Variants in ZC3H18 observed in about 807,000 individuals in gnomAD.
ZC3H18 encodes the protein zinc finger CCCH-type containing 18.
A neutral mutation model predicts 106.1 loss-of-function variants in ZC3H18; 8 were observed. That is an observed-to-expected ratio of 0.08 (90% CI 0.04 to 0.14). The LOEUF is 0.14. ZC3H18 is among the 10% of genes least tolerant of loss of function. The probability of loss-of-function intolerance (pLI) is 1.00; values close to 1 mark genes in which losing one functional copy is unlikely to be tolerated. For synonymous variants in ZC3H18, 635 were observed against 522.1 expected, an observed-to-expected ratio of 1.22 and a Z score of -2.95; for missense variants, 1,318 against 1,278.4, an observed-to-expected ratio of 1.03 and a Z score of -0.47.
At chr16:88,615,552 G>T (rs369643250) in intron 8 of ZC3H18, among the ~76,000 whole-genome samples, 44 of 152,262 alleles carry the variant, frequency 2.9e-4, no homozygotes, top group African/African-American at 1.0e-3. Context: ...ATTGTTACAG[G>T]GTTGCTAAAA....
chr16:88,624,043 C>G lies in ZC3H18; in HGVS notation c.1879C>G (p.Pro627Ala), dbSNP rs769761919. Reference protein sequence around the residue: ...PSIRTKGEPAPPPGKAGEKSV... With the variant: ...PSIRTKGEPAAPPGKAGEKSV... ...CATCAGAACCAAGGGAGAGCCGGCC[C>G]CGCCGCCCGGGAAAGCAGGGTGAGT... The change falls in exon 11 of 18, where the codon CCG (proline) becomes GCG (alanine). Residue 627 changes from proline (P) to alanine (A), a missense_variant. Pro to Ala is a conservative substitution (Grantham distance 27). Coordinates refer to ENST00000301011, the MANE Select transcript of ZC3H18 (RefSeq NM_144604.4). 3.1e-6 allele frequency: 5 copies of G among 1,614,062 alleles called. No homozygotes were observed. The South Asian group carries it at 5.5e-5, about 18-fold the overall frequency.
At chr16:88,581,063 A>T (rs1915099289) in intron 2 of ZC3H18, among the ~76,000 whole-genome samples, 1 of 152,102 alleles carries the variant, frequency 6.6e-6, no homozygotes, top group Non-Finnish European at 1.5e-5. Context: ...ACCCCTTGGC[A>T]CCCTGGTCTA....
Position 88,625,195 on chromosome 16 carries a change from A to G in ZC3H18, c.2043-7A>G, listed in dbSNP as rs1457403480. On this transcript the variant is annotated splice_polypyrimidine_tract_variant and splice_region_variant and intron_variant, in intron 12 of 17. Transcript: ENST00000301011. The stretch of plus-strand genomic sequence containing the variant: ...CCCCCTGAGCCCCGCTGTTGCTTGT[A>G]TTACAGGCGGACGCTAAGCGGCAGC... 7 of 1,581,010 alleles carry G rather than the reference A, an allele frequency of 4.4e-6. No homozygotes were observed. The highest frequency in any genetic ancestry group is 1.2e-5 in the South Asian group (1 of 86,180).
In ZC3H18 at chr16:88,628,733, C is replaced by G. The variant is rs1267615746; in HGVS notation, c.2470-25C>G. ...GCTTCTGGCTCCTGGCCCTGCTGTC[C>G]TCACTGGCCTCTCTCTTGTCCCAGG... On this transcript the variant is annotated intron_variant, in intron 15 of 17. Coordinates refer to ENST00000301011, the MANE Select transcript of ZC3H18 (RefSeq NM_144604.4). The G allele has an allele frequency of 1.9e-6, 3 of 1,613,044 alleles. No homozygotes were observed. In the African/African-American group the frequency reaches 4.0e-5, roughly 22 times the overall value.
intron 7 of ZC3H18, among the ~76,000 whole-genome samples, chr16:88,610,591 A>G (rs1905224846): frequency 6.6e-6 from 1 of 152,216 alleles, no homozygotes; most frequent in African/African-American, 2.4e-5. Context: ...CATCTCCCCA[A>G]CAGAGGCCTC....
At position 88,574,405 on chromosome 16, in the gene ZC3H18, C is replaced by T. The variant is rs1460780866; in HGVS notation, c.-14-2705C>T. Among the ~76,000 whole-genome samples the T allele has an allele frequency of 4.0e-5, 6 of 151,860 alleles. 1 individual carries two copies. Among genetic ancestry groups the T allele is most frequent in the Non-Finnish European group, 8.8e-5 (6 of 67,866 alleles). On this transcript the variant is annotated intron_variant, in intron 1 of 17. Coordinates refer to ENST00000301011, the MANE Select transcript of ZC3H18 (RefSeq NM_144604.4). ...TTGTATTTTAGTAGAGACCGGGTTT[C>T]ACCATGTTGGCCAGGCTGGTCTTGA...
chr16:88,605,068 C>T (rs1227830550), intron 6 of ZC3H18, among the ~76,000 whole-genome samples: 5 of 152,276 alleles, frequency 3.3e-5, no homozygotes, highest in Non-Finnish European at 5.9e-5. Context: ...CACTCCCTTT[C>T]CTCAGGTAAC....
intron 7 of ZC3H18, among the ~76,000 whole-genome samples, chr16:88,610,717 T>G (rs1384088452): frequency 6.6e-6 from 1 of 152,192 alleles, no homozygotes; most frequent in African/African-American, 2.4e-5. Flanking sequence ...ATCCGAGGAT[T>G]GTACTAGAAG....
chr16:88,611,825 G>A (rs1402723015), intron 8 of ZC3H18, among the ~76,000 whole-genome samples: 2 of 152,214 alleles, frequency 1.3e-5, no homozygotes, highest in African/African-American at 2.4e-5. Context: ...TGCAAACATC[G>A]GTGTGTTTTA....
At chr16:88,600,613 A>G (rs1032789999) in intron 6 of ZC3H18, among the ~76,000 whole-genome samples, 2 of 152,158 alleles carry the variant, frequency 1.3e-5, no homozygotes, top group Non-Finnish European at 2.9e-5. Flanking sequence ...GGATTTCACC[A>G]TGTTGGCCAG....
intron 8 of ZC3H18, among the ~76,000 whole-genome samples, chr16:88,618,713 G>A (rs1187756598): frequency 6.6e-6 from 1 of 152,206 alleles, no homozygotes; most frequent in Non-Finnish European, 1.5e-5. Context: ...AACGGGGAAT[G>A]GGGGCCAGAT....
At chr16:88,577,819 CTT>C in intron 2 of ZC3H18, 93 bp downstream of exon 2, 1 of 1,592,096 alleles carries the variant, frequency 6.3e-7, no homozygotes, top group Non-Finnish European at 8.5e-7. Flanking sequence ...GTGGGACTGA[CTT>C]AGTGATTTGT....
At chr16:88,603,698 C>T (rs1306122475) in intron 6 of ZC3H18, among the ~76,000 whole-genome samples, 2 of 149,902 alleles carry the variant, frequency 1.3e-5, no homozygotes, top group African/African-American at 2.5e-5. Context: ...TCTGGGCTCA[C>T]TGCAAGCTCT....
intron 8 of ZC3H18, among the ~76,000 whole-genome samples, chr16:88,618,879 C>T (rs574745779): frequency 6.6e-6 from 1 of 152,142 alleles, no homozygotes; most frequent in South Asian, 2.1e-4. Flanking sequence ...CCCTTGCGAG[C>T]GTTCTCAGCC....
At chr16:88,630,763 CCCA>C (rs1906629796) in intron 17 of ZC3H18, among the ~76,000 whole-genome samples, 182 bp downstream of exon 17, 3 of 112,620 alleles carry the variant, frequency 2.7e-5, no homozygotes, top group African/African-American at 3.0e-5. Flanking sequence ...CCCACCCCCC[CCCA>C]CACACACACA....
intron 8 of ZC3H18, among the ~76,000 whole-genome samples, chr16:88,618,217 T>C (rs1290531239): frequency 2.0e-5 from 3 of 150,942 alleles, no homozygotes; most frequent in Non-Finnish European, 4.4e-5. Flanking sequence ...TGTAAAGACA[T>C]GGGGCGGGCA....
At chr16:88,606,501 T>C (rs1231117748) in intron 6 of ZC3H18, among the ~76,000 whole-genome samples, 2 of 152,240 alleles carry the variant, frequency 1.3e-5, no homozygotes, top group African/African-American at 4.8e-5. Context: ...ACAGTCCTCT[T>C]GTCAGAGAAC....
intron 8 of ZC3H18, among the ~76,000 whole-genome samples, chr16:88,619,421 C>A (rs537547091): frequency 6.6e-6 from 1 of 152,192 alleles, no homozygotes. Flanking sequence ...GAAGGTGGTG[C>A]GGCCGGCGGC....
intron 8 of ZC3H18, among the ~76,000 whole-genome samples, chr16:88,620,214 C>T (rs1308460514): frequency 4.6e-5 from 7 of 152,236 alleles, no homozygotes; most frequent in Admixed American, 4.6e-4. Flanking sequence ...GCAGATGCTA[C>T]CACAGCAGAG....
Sources: allele counts gnomAD v4.1 joint callset (sites outside exome capture counted in the v4.1 genomes callset), GRCh38; gene constraint gnomAD v4.1.1; transcripts MANE v1.5; gene names NCBI Gene and HGNC (gene_info 2026-07-23, HGNC 2026-07-21).